The following FGF2 variants were observed in gnomAD, a reference collection of about 807,000 sequenced individuals.
FGF2 encodes the protein basic fibroblast growth factor bFGF.
In FGF2, 13 loss-of-function variants were observed where a neutral mutation model predicts 15.9. That is an observed-to-expected ratio of 0.82 (90% CI 0.53 to 1.30). The LOEUF (loss-of-function observed/expected upper bound fraction) is 1.30, where lower values mean the gene tolerates loss of function less well. FGF2 is among the 50% of genes most tolerant of loss of function. The probability of loss-of-function intolerance (pLI) is 0.00; values close to 1 mark genes in which losing one functional copy is unlikely to be tolerated. For missense variants in FGF2, 163 were observed against 196.9 expected (o/e 0.83, Z 1.03); for synonymous variants, 90 against 78.4 (o/e 1.15, Z -0.78).
intron 1 of FGF2, among the ~76,000 whole-genome samples, chr4:122,850,486 T>C (rs1476972049): frequency 6.6e-6 from 1 of 152,290 alleles, no homozygotes; most frequent in Non-Finnish European, 1.5e-5. Flanking sequence ...GATGACTTTA[T>C]AGATGTCTGA....
intron 1 of FGF2, among the ~76,000 whole-genome samples, chr4:122,846,826 G>T (rs1480534704): frequency 6.6e-6 from 1 of 152,206 alleles, no homozygotes; most frequent in African/African-American, 2.4e-5. Flanking sequence ...TCTCTGAGGT[G>T]CATGAATGTG....
upstream of FGF2, chr4:122,826,705 G>A (rs1314709265): frequency 8.0e-7 from 1 of 1,256,296 alleles, no homozygotes. Flanking sequence ...CGAACTCAGA[G>A]GCCGGCCCCA....
At chr4:122,881,110 G>A (rs1031621975) in intron 2 of FGF2, among the ~76,000 whole-genome samples, 12 of 152,188 alleles carry the variant, frequency 7.9e-5, no homozygotes, top group Admixed American at 2.0e-4. Context: ...TGGGAAGCAA[G>A]GCACCAAGTC....
intron 1 of FGF2, among the ~76,000 whole-genome samples, chr4:122,845,448 G>C (rs1261923026): frequency 6.6e-6 from 1 of 152,202 alleles, no homozygotes; most frequent in South Asian, 2.1e-4. Context: ...CTCTCTAGCT[G>C]TGAAAATCCT....
intron 2 of FGF2, among the ~76,000 whole-genome samples, chr4:122,879,661 T>C (rs1478203073): frequency 1.3e-5 from 2 of 152,174 alleles, no homozygotes; most frequent in East Asian, 3.8e-4. Flanking sequence ...AGAGGTTTAA[T>C]TGGACTTACA....
intron 1 of FGF2, among the ~76,000 whole-genome samples, chr4:122,867,312 A>G (rs991009130): frequency 6.6e-6 from 1 of 152,240 alleles, no homozygotes; most frequent in African/African-American, 2.4e-5. Context: ...CAATAAGGCT[A>G]TAACAGGTAA....
intron 2 of FGF2, among the ~76,000 whole-genome samples, chr4:122,880,757 T>G (rs530299108): frequency 6.6e-6 from 1 of 152,134 alleles, no homozygotes. Context: ...TCTCAGTAGA[T>G]CTACCATTCT....
intron 1 of FGF2, among the ~76,000 whole-genome samples, chr4:122,853,997 C>A (rs1316977298): frequency 6.6e-6 from 1 of 152,078 alleles, no homozygotes; most frequent in Non-Finnish European, 1.5e-5. Flanking sequence ...TAGAGAGGAG[C>A]TGGGATGGAT....
chr4:122,862,012 A>G (rs1324178466), intron 1 of FGF2, among the ~76,000 whole-genome samples: 2 of 152,038 alleles, frequency 1.3e-5, no homozygotes, highest in African/African-American at 2.4e-5. Context: ...TATTTTTCTC[A>G]TGGCACTTAC....
intron 2 of FGF2, among the ~76,000 whole-genome samples, chr4:122,880,734 G>A (rs1467194995): frequency 3.3e-5 from 5 of 152,162 alleles, no homozygotes; most frequent in Non-Finnish European, 4.4e-5. Flanking sequence ...TTTTCTAGGT[G>A]CATGGTGCAA....
At chr4:122,830,838 AAATG>A (rs1283406668) in intron 1 of FGF2, among the ~76,000 whole-genome samples, 1 of 149,594 alleles carries the variant, frequency 6.7e-6, no homozygotes, top group Non-Finnish European at 1.5e-5. Flanking sequence ...AAAAAAAAAA[AAATG>A]AGAGTAGTTA....
chr4:122,852,406 C>T (rs945748647), intron 1 of FGF2, among the ~76,000 whole-genome samples: 1 of 152,188 alleles, frequency 6.6e-6, no homozygotes, highest in African/African-American at 2.4e-5. Flanking sequence ...AGAGCAAGCT[C>T]CATTGTGTAA....
At chr4:122,877,411 C>A (rs551697600) in intron 2 of FGF2, among the ~76,000 whole-genome samples, 1 of 152,202 alleles carries the variant, frequency 6.6e-6, no homozygotes, top group Non-Finnish European at 1.5e-5. Context: ...CCGTGCCTGG[C>A]TGTAGAGAGG....
rs1244560309 is a variant in FGF2, at chr4:122,893,383, G to T, written c.*987G>T. On this transcript the variant is annotated 3_prime_UTR_variant, in exon 3 of 3. Coordinates refer to ENST00000644866, the MANE Select transcript of FGF2 (RefSeq NM_001361665.2). ...AAATTCTTTGCCTTGTGGATATCAA[G>T]AAATCCCAAAATATTTTCTTACCAC... 5.1e-6 allele frequency: 3 copies of T among 587,302 alleles called. No homozygotes were observed. Among genetic ancestry groups the T allele is most frequent in the Non-Finnish European group, 8.1e-6 (3 of 371,714 alleles). 36.4% of individuals were successfully genotyped at this position (587,302 alleles called of 1,614,324 possible).
At chr4:122,856,134 A>G (rs868412134) in intron 1 of FGF2, among the ~76,000 whole-genome samples, 7 of 152,230 alleles carry the variant, frequency 4.6e-5, no homozygotes, top group Admixed American at 4.6e-4. Context: ...TTTCTCTAAT[A>G]TAATTATTAG....
At chr4:122,849,130 T>C (rs906197650) in intron 1 of FGF2, among the ~76,000 whole-genome samples, 1 of 152,200 alleles carries the variant, frequency 6.6e-6, no homozygotes, top group Non-Finnish European at 1.5e-5. Context: ...CATAGACATT[T>C]TAACATGCAG....
rs1399088258 is a variant in FGF2 at position 122,827,068 on chromosome 4, G to A, written c.-107G>A. 1.8e-6 allele frequency: 2 copies of A among 1,116,872 alleles called. No individual in the cohort carries two copies. Among genetic ancestry groups the A allele is most frequent in the African/African-American group, 1.7e-5 (1 of 60,126 alleles). The allele number at this position is 1,116,872 out of a possible 1,614,324, so 69.2% of individuals were successfully genotyped here. On this transcript the variant is annotated 5_prime_UTR_variant, in exon 1 of 3. Coordinates refer to ENST00000644866, the MANE Select transcript of FGF2 (RefSeq NM_001361665.2). This position sits in a 1 kb window ranked among gnomAD's most constrained non-coding sequence, Gnocchi z 4.2. ...GGCGGGAGGCTGGGGGGCCGGGGCC[G>A]GGGCCGTGCCCCGGAGCGGGTCGGA...
chr4:122,845,189 G>A lies in FGF2; in HGVS notation c.178+17837G>A, dbSNP rs901995005. Among the ~76,000 whole-genome samples the A allele has an allele frequency of 9.9e-5, 15 of 152,004 alleles. No homozygotes were observed. The South Asian group carries it at 2.9e-3, about 30-fold the overall frequency. On this transcript the variant is annotated intron_variant, in intron 1 of 2. Transcript: ENST00000644866. ...TTCTTTTGAAAGGGATGTTTTTTTT[G>A]AGCAGTAGTCTCAAAAGTGGGTTTA...
intron 1 of FGF2, among the ~76,000 whole-genome samples, chr4:122,872,922 A>G (rs928103383): frequency 2.0e-5 from 3 of 152,224 alleles, no homozygotes; most frequent in Non-Finnish European, 2.9e-5. Context: ...TGCAAAAAAC[A>G]CACCAAAATA....
Sources: gnomAD v4.1 joint callset for allele counts (sites outside exome capture counted in the v4.1 genomes callset) on GRCh38, gnomAD v4.1.1 for gene constraint, Gnocchi (gnomAD v3.1) non-coding constraint, MANE v1.5 for transcripts, NCBI Gene and HGNC (gene_info 2026-07-23, HGNC 2026-07-21) for gene names.